The following PIBF1 variants were observed in gnomAD, a reference collection of about 807,000 sequenced individuals.
The protein encoded by PIBF1 is progesterone immunomodulatory binding factor 1.
Under a neutral mutation model 112.5 loss-of-function variants are expected in PIBF1, and 90 were observed. That is an observed-to-expected ratio of 0.80 (90% CI 0.67 to 0.95). The LOEUF is 0.95. Ranked by LOEUF, PIBF1 falls within the 40% of genes least tolerant of loss-of-function variation. PIBF1 has a pLI of 0.00. For missense variants in PIBF1, 915 were observed against 852.3 expected, an observed-to-expected ratio of 1.07 and a Z score of -0.92; for synonymous variants, 301 against 288.6, an observed-to-expected ratio of 1.04 and a Z score of -0.44.
intron 4 of PIBF1, among the ~76,000 whole-genome samples, 170 bp downstream of exon 4, chr13:72,795,727 CA>C (rs2035161624): frequency 6.6e-6 from 1 of 152,074 alleles, no homozygotes; most frequent in Admixed American, 6.5e-5. Context: ...CATTGATCTC[CA>C]AAGTCAAGCA....
chr13:72,859,234 TAAAG>T (rs913477709), intron 10 of PIBF1, among the ~76,000 whole-genome samples: 3 of 152,054 alleles, frequency 2.0e-5, no homozygotes, highest in African/African-American at 7.2e-5. Flanking sequence ...TCTCTAAAAA[TAAAG>T]AAGACTACAT....
intron 14 of PIBF1, 112 bp from the exon 15 acceptor site, chr13:72,965,162 A>G: frequency 1.1e-6 from 1 of 935,010 alleles, no homozygotes; most frequent in Non-Finnish European, 1.6e-6. Context: ...AAAGCTTTTC[A>G]GAATAATTCA....
intron 16 of PIBF1, among the ~76,000 whole-genome samples, chr13:72,974,928 G>A (rs1266409846): frequency 6.6e-6 from 1 of 152,064 alleles, no homozygotes; most frequent in Admixed American, 6.6e-5. Flanking sequence ...ATGAATGAGA[G>A]TTCCAGTTTC....
intron 13 of PIBF1, 76 bp downstream of exon 13, chr13:72,917,242 C>A: frequency 2.5e-6 from 2 of 812,436 alleles, no homozygotes; most frequent in Non-Finnish European, 1.9e-6. Context: ...TGATAATGTG[C>A]TGAGTTCAGT....
At chr13:72,783,064 AC>A (rs943147981) in intron 1 of PIBF1, among the ~76,000 whole-genome samples, 39 of 152,162 alleles carry the variant, frequency 2.6e-4, no homozygotes, top group African/African-American at 8.9e-4. Flanking sequence ...CCTCTGTGTA[AC>A]GTTTCCCTGA....
intron 10 of PIBF1, among the ~76,000 whole-genome samples, chr13:72,855,756 A>G (rs1050517823): frequency 2.0e-5 from 3 of 152,316 alleles, no homozygotes. Context: ...CGTTTGTTTT[A>G]TATTTTATTA....
intron 11 of PIBF1, among the ~76,000 whole-genome samples, chr13:72,906,856 G>A (rs187620931): frequency 2.4e-4 from 37 of 152,130 alleles, no homozygotes; most frequent in East Asian, 1.9e-3. Context: ...TCTGCTGTGG[G>A]AATAGTCATT....
At chr13:72,995,318 G>T (rs936986838) in intron 16 of PIBF1, among the ~76,000 whole-genome samples, 1 of 146,198 alleles carries the variant, frequency 6.8e-6, no homozygotes, top group African/African-American at 2.5e-5. Flanking sequence ...AAAAAAAAAA[G>T]TTCTTTCTAA....
At chr13:72,783,821 A>G in intron 2 of PIBF1, 100 bp downstream of exon 2, 1 of 1,097,498 alleles carries the variant, frequency 9.1e-7, no homozygotes, top group South Asian at 1.5e-5. Flanking sequence ...TTGAAATGAT[A>G]CATTTATATT....
intron 11 of PIBF1, among the ~76,000 whole-genome samples, chr13:72,900,279 G>A (rs767417019): frequency 6.6e-6 from 1 of 151,974 alleles, no homozygotes; most frequent in East Asian, 1.9e-4. Flanking sequence ...AATCAAAAAA[G>A]AACCCGCATA....
intron 14 of PIBF1, among the ~76,000 whole-genome samples, chr13:72,953,783 G>A (rs1301447367): frequency 6.6e-6 from 1 of 152,112 alleles, no homozygotes; most frequent in African/African-American, 2.4e-5. Flanking sequence ...CTGGCTACCA[G>A]CCAGGAGGTG....
intron 2 of PIBF1, among the ~76,000 whole-genome samples, chr13:72,784,140 T>C (rs920675818): frequency 6.6e-6 from 1 of 152,146 alleles, no homozygotes; most frequent in African/African-American, 2.4e-5. Flanking sequence ...GAGTTAACCA[T>C]TTCACAATGT....
In PIBF1 at chr13:72,864,587, A is replaced by G. The variant is rs577488085; in HGVS notation, c.1322+10432A>G. On this transcript the variant is annotated intron_variant, in intron 10 of 17. Coordinates refer to ENST00000326291, the MANE Select transcript of PIBF1 (RefSeq NM_006346.4). ...TGTGTGTGTTCATACAGCTTTCTTT[A>G]TAGGCTGCTGCTCTGTTGCCATAGG... Among the ~76,000 whole-genome samples the G allele has an allele frequency of 7.2e-5, 11 of 152,254 alleles. No homozygotes were observed. The South Asian group carries it at 2.3e-3, about 31-fold the overall frequency.
chr13:72,926,312 C>T (rs9564930), intron 13 of PIBF1, among the ~76,000 whole-genome samples: 40,833 of 152,048 alleles, frequency 0.27, 6,723 homozygotes, highest in East Asian at 0.47. Flanking sequence ...AGATTATGTA[C>T]GCATGTGCTA....
At chr13:72,795,055 T>A (rs931892395) in intron 3 of PIBF1, among the ~76,000 whole-genome samples, 2 of 152,198 alleles carry the variant, frequency 1.3e-5, no homozygotes, top group Non-Finnish European at 2.9e-5. Flanking sequence ...GTCCTTGATG[T>A]TTAACATTAA....
intron 16 of PIBF1, chr13:72,974,385 C>G (rs998303345): frequency 6.6e-6 from 1 of 152,190 alleles, no homozygotes; most frequent in Non-Finnish European, 1.5e-5. Flanking sequence ...ACCCCCAGCC[C>G]TATCAACCAC....
chr13:72,886,445 TAAA>T (rs781601012), intron 10 of PIBF1, among the ~76,000 whole-genome samples: 41 of 151,912 alleles, frequency 2.7e-4, no homozygotes, highest in Non-Finnish European at 5.3e-4. Flanking sequence ...AACACTGTTA[TAAA>T]AATTTTATAA....
intron 2 of PIBF1, among the ~76,000 whole-genome samples, chr13:72,789,957 A>G (rs1450777908): frequency 6.6e-6 from 1 of 152,172 alleles, no homozygotes; most frequent in Non-Finnish European, 1.5e-5. Context: ...TTTATTTTAC[A>G]TTTTATATTG....
chr13:72,788,042 T>C (rs1478544557), intron 2 of PIBF1, among the ~76,000 whole-genome samples: 1 of 152,218 alleles, frequency 6.6e-6, no homozygotes, highest in Admixed American at 6.5e-5. Flanking sequence ...CTCCAAAGCT[T>C]ATTGAGCATC....
Sources: allele counts gnomAD v4.1 joint callset (sites outside exome capture counted in the v4.1 genomes callset), GRCh38; gene constraint gnomAD v4.1.1; transcripts MANE v1.5; gene names NCBI Gene and HGNC (gene_info 2026-07-23, HGNC 2026-07-21).